DPP10: variants seen among roughly 807,000 people sequenced by gnomAD.
DPP10 encodes the protein inactive dipeptidyl peptidase 10.
In DPP10, 33 loss-of-function variants were observed where a neutral mutation model predicts 120.9. The ratio of observed to expected loss-of-function variants is 0.27; its 90% CI spans 0.21 to 0.37. The LOEUF is 0.37. Ranked by LOEUF, DPP10 falls within the 10% of genes least tolerant of loss-of-function variation. The pLI, the probability that DPP10 is intolerant of heterozygous loss-of-function variation, is 1.00. For missense variants in DPP10, 816 were observed against 942.8 expected, an observed-to-expected ratio of 0.87 and a Z score of 1.76; for synonymous variants, 337 against 326.1, an observed-to-expected ratio of 1.03 and a Z score of -0.36.
At chr2:115,704,942 C>T (rs1030896351) in intron 7 of DPP10, among the ~76,000 whole-genome samples, 1 of 151,850 alleles carries the variant, frequency 6.6e-6, no homozygotes, top group Non-Finnish European at 1.5e-5. Flanking sequence ...CTCTTTGAGA[C>T]TCCTTCCCTG....
chr2:115,147,097 TGTC>T (rs2051266332), intron 1 of DPP10, among the ~76,000 whole-genome samples: 1 of 151,992 alleles, frequency 6.6e-6, no homozygotes, highest in Non-Finnish European at 1.5e-5. Context: ...GTCTATTTAA[TGTC>T]GTTTTATTGG....
chr2:114,608,728 G>A (rs981470270), intron 1 of DPP10, among the ~76,000 whole-genome samples: 3 of 151,798 alleles, frequency 2.0e-5, no homozygotes, highest in Non-Finnish European at 2.9e-5. Flanking sequence ...GTGAAATCAT[G>A]TCCTTTGCTG....
At chr2:114,539,118 TG>T (rs1360683423) in intron 1 of DPP10, among the ~76,000 whole-genome samples, 1 of 149,984 alleles carries the variant, frequency 6.7e-6, no homozygotes, top group African/African-American at 2.4e-5. Flanking sequence ...AAATAAAAAT[TG>T]TATTTTATAT....
At chr2:115,472,272 A>T (rs1238399964) in intron 3 of DPP10, among the ~76,000 whole-genome samples, 1 of 152,186 alleles carries the variant, frequency 6.6e-6, no homozygotes, top group Non-Finnish European at 1.5e-5. Context: ...TTACTTACCC[A>T]ATGTCTCACA....
In DPP10 at chr2:115,254,710, C is replaced by T. The variant is rs76412510; in HGVS notation, c.61-54529C>T. ...CCCATTCCAGATGGGGGAAATTGGC[C>T]AAAACAGAGGGGCTACAGGCCCCAC... On this transcript the variant is annotated intron_variant, in intron 1 of 25. Coordinates refer to ENST00000410059, the MANE Select transcript of DPP10 (RefSeq NM_020868.6). Among the ~76,000 whole-genome samples the T allele has an allele frequency of 7.9e-4, 120 of 152,204 alleles. No homozygotes were observed. The East Asian group carries it at 0.022, about 27-fold the overall frequency.
intron 1 of DPP10, among the ~76,000 whole-genome samples, chr2:115,201,958 GT>G (rs1450695741): frequency 6.6e-6 from 1 of 152,130 alleles, no homozygotes; most frequent in East Asian, 1.9e-4. Flanking sequence ...GAAAAGTAGT[GT>G]TTTTATGTCT....
At chr2:115,517,583 G>A (rs919702232) in intron 4 of DPP10, among the ~76,000 whole-genome samples, 4 of 151,948 alleles carry the variant, frequency 2.6e-5, no homozygotes, top group African/African-American at 4.8e-5. Context: ...TTCTATTTAT[G>A]TCATTCTCTT....
chr2:115,353,930 G>C (rs998305018), intron 3 of DPP10, among the ~76,000 whole-genome samples: 1 of 151,992 alleles, frequency 6.6e-6, no homozygotes, highest in Non-Finnish European at 1.5e-5. Flanking sequence ...AAAACACATA[G>C]ATTTAAGGAA....
At chr2:114,711,811 A>G (rs546596556) in intron 1 of DPP10, among the ~76,000 whole-genome samples, 3 of 152,296 alleles carry the variant, frequency 2.0e-5, no homozygotes, top group African/African-American at 7.2e-5. Context: ...AGCTAGCAAG[A>G]AGTTATAATT....
intron 19 of DPP10, among the ~76,000 whole-genome samples, chr2:115,808,433 G>T (rs1298730918): frequency 1.3e-5 from 2 of 152,118 alleles, no homozygotes; most frequent in African/African-American, 2.4e-5. Flanking sequence ...AGGAATGGAA[G>T]GTGTAAGGTC....
chr2:115,427,206 C>T (rs543926021), intron 3 of DPP10, among the ~76,000 whole-genome samples: 1 of 152,198 alleles, frequency 6.6e-6, no homozygotes, highest in Non-Finnish European at 1.5e-5. Context: ...TTGGCACCAC[C>T]CGTCTGGAGT....
chr2:114,519,727 A>G (rs1293890433), intron 1 of DPP10, among the ~76,000 whole-genome samples: 1 of 152,226 alleles, frequency 6.6e-6, no homozygotes, highest in Non-Finnish European at 1.5e-5. Flanking sequence ...AGCATGGAGC[A>G]TCATCCACTT....
chr2:115,061,305 A>ATC (rs1706379686), intron 1 of DPP10, among the ~76,000 whole-genome samples: 1 of 152,240 alleles, frequency 6.6e-6, no homozygotes. Flanking sequence ...ATTCATAGAT[A>ATC]GAGATGAAAA....
At chr2:115,484,186 A>G (rs759601102) in intron 3 of DPP10, among the ~76,000 whole-genome samples, 23 of 151,706 alleles carry the variant, frequency 1.5e-4, no homozygotes, top group Admixed American at 3.3e-4. Flanking sequence ...ACATGTGCAC[A>G]TAGTCAATTT....
intron 1 of DPP10, among the ~76,000 whole-genome samples, chr2:115,170,427 G>GA (rs1380416206): frequency 6.6e-6 from 1 of 151,472 alleles, no homozygotes; most frequent in Non-Finnish European, 1.5e-5. Flanking sequence ...TTTTTGAGAG[G>GA]AAAAAAAACT....
intron 1 of DPP10, among the ~76,000 whole-genome samples, chr2:115,287,130 A>C (rs971389067): frequency 6.6e-6 from 1 of 152,120 alleles, no homozygotes; most frequent in Non-Finnish European, 1.5e-5. Flanking sequence ...GAAATGATAA[A>C]GATAACAATG....
At chr2:114,497,416 T>G (rs58750530) in intron 1 of DPP10, among the ~76,000 whole-genome samples, 1,318 of 87,840 alleles carry the variant, frequency 0.015, 66 homozygotes, top group African/African-American at 0.041. Context: ...TACACATACA[T>G]ATGCATCTAT....
At chr2:115,474,995 C>T (rs1367021226) in intron 3 of DPP10, among the ~76,000 whole-genome samples, 1 of 151,308 alleles carries the variant, frequency 6.6e-6, no homozygotes, top group Non-Finnish European at 1.5e-5. Flanking sequence ...CAGCTCCAGC[C>T]AGAAAATTTG....
intron 5 of DPP10, among the ~76,000 whole-genome samples, chr2:115,621,857 T>C (rs1434084793): frequency 6.6e-6 from 1 of 152,088 alleles, no homozygotes; most frequent in Middle Eastern, 3.2e-3. Context: ...TTTGTATTTT[T>C]GGTAAAGACA....
Sources: allele counts gnomAD v4.1 joint callset (sites outside exome capture counted in the v4.1 genomes callset), GRCh38; gene constraint gnomAD v4.1.1; transcripts MANE v1.5; gene names NCBI Gene and HGNC (gene_info 2026-07-23, HGNC 2026-07-21).